ABCG1: variants seen among roughly 807,000 people sequenced by gnomAD.
ABCG1 encodes ATP-binding cassette sub-family G member 1.
Under a neutral mutation model 69.2 loss-of-function variants are expected in ABCG1, and 29 were observed. The observed-to-expected ratio is 0.42, with a 90% CI of 0.31 to 0.57. ABCG1 has a LOEUF of 0.57. Ranked by LOEUF, ABCG1 falls within the 20% of genes least tolerant of loss-of-function variation. ABCG1 has a pLI of 0.15. For synonymous variants in ABCG1, 370 were observed against 374.8 expected (o/e 0.99, Z 0.15); for missense variants, 718 against 898.1 (o/e 0.80, Z 2.56).
intron 1 of ABCG1, chr21:42,201,432 C>T: frequency 2.0e-6 from 1 of 499,396 alleles, no homozygotes; most frequent in Non-Finnish European, 3.6e-6. Flanking sequence ...TGCCGCTCAC[C>T]TCCTGCTGTG....
intron 2 of ABCG1, among the ~76,000 whole-genome samples, chr21:42,262,476 G>A (rs1246829873): frequency 6.6e-6 from 1 of 152,208 alleles, no homozygotes; most frequent in Non-Finnish European, 1.5e-5. Flanking sequence ...TTAGCCTTAG[G>A]TGACCCACGG....
At chr21:42,249,339 A>G (rs79353269) in intron 2 of ABCG1, among the ~76,000 whole-genome samples, 3,532 of 152,244 alleles carry the variant, frequency 0.023, 128 homozygotes, top group African/African-American at 0.079. Flanking sequence ...CAAGCAAGTG[A>G]TCTGCACAGA....
rs146016388 is a variant in ABCG1, at chr21:42,226,696, T to C, written c.286+782T>C. ...CTTCATCTCCTTATGCTCCAAGCAC[T>C]CATTGTCTGCTCCTAAGTGGATCAG... On this transcript the variant is annotated intron_variant, in intron 2 of 14. Coordinates refer to ENST00000398449, the MANE Select transcript of ABCG1 (RefSeq NM_016818.3). 3.1e-3 allele frequency among the ~76,000 whole-genome samples: 469 copies of C among 152,296 alleles called. 2 individuals carry two copies. The highest frequency in any genetic ancestry group is 0.011 in the African/African-American group (438 of 41,558).
Position 42,291,299 on chromosome 21 carries a change from C to CT in ABCG1, c.1494+109dup, listed in dbSNP as rs1419435093. On this transcript the variant is annotated intron_variant, in intron 12 of 14. Coordinates refer to ENST00000398449, the MANE Select transcript of ABCG1 (RefSeq NM_016818.3). This position sits in a 1 kb window ranked among gnomAD's most constrained non-coding sequence, Gnocchi z 6.4. Reference sequence around the variant, plus strand: ...AGGGATGCAGGGTGACATGGCCCGACTTCGGGAGCTCTGGTGGGAGCTGCG... The same window carrying CT: ...AGGGATGCAGGGTGACATGGCCCGACTTTCGGGAGCTCTGGTGGGAGCTGCG... The CT allele has an allele frequency of 2.7e-5, 32 of 1,173,054 alleles. No individual in the cohort carries two copies. The highest frequency in any genetic ancestry group is 3.8e-5 in the Non-Finnish European group (31 of 812,582). The allele number at this position is 1,173,054 out of a possible 1,614,324, so 72.7% of individuals were successfully genotyped here.
Position 42,273,970 on chromosome 21 carries a change from T to A in ABCG1, c.537+535T>A, listed in dbSNP as rs1015976593. Among the ~76,000 whole-genome samples, 3 of 152,110 alleles carry A rather than the reference T, an allele frequency of 2.0e-5. No individual in the cohort carries two copies. In the South Asian group the frequency reaches 6.2e-4, roughly 32 times the overall value. On this transcript the variant is annotated intron_variant, in intron 4 of 14. Transcript: ENST00000398449. This position sits in a 1 kb window ranked among gnomAD's most constrained non-coding sequence, Gnocchi z 5.3. Reference sequence around the variant, plus strand: ...CACATAGCTCTACACACACCAGATATGTCATCCCAAAAAAGTGGGTGGGAA... The same window carrying A: ...CACATAGCTCTACACACACCAGATAAGTCATCCCAAAAAAGTGGGTGGGAA...
Position 42,206,383 on chromosome 21 carries a change from T to A in ABCG1, c.48+4660T>A, listed in dbSNP as rs7281377. ...ATAAATAAATAAATAAATAAATAAA[T>A]AAACAAACAAACAAACAAACACAAT... On this transcript the variant is annotated intron_variant, in intron 2 of 15. Transcript: ENST00000398457. Among the ~76,000 whole-genome samples the A allele has an allele frequency of 6.1e-4, 88 of 144,436 alleles. 1 individual carries two copies. Among genetic ancestry groups the A allele is most frequent in the Admixed American group, 5.5e-4 (8 of 14,638 alleles). The allele number at this position is 144,436 out of a possible 152,430, so 94.8% of individuals were successfully genotyped here.
At position 42,287,432 on chromosome 21, in the gene ABCG1, G is replaced by A. The variant is rs1424191027; in HGVS notation, c.974-457G>A. On this transcript the variant is annotated intron_variant, in intron 8 of 14. Coordinates refer to ENST00000398449, the MANE Select transcript of ABCG1 (RefSeq NM_016818.3). This position sits in a 1 kb window ranked among gnomAD's most constrained non-coding sequence, Gnocchi z 6.2. ...CCCCAGGGTGCCAGCCACTCATGTG[G>A]CGATGGGCACGTCCTTCTCTGCCAT... Among the ~76,000 whole-genome samples the A allele has an allele frequency of 1.3e-5, 2 of 152,172 alleles. No homozygotes were observed. Among genetic ancestry groups the A allele is most frequent in the African/African-American group, 4.8e-5 (2 of 41,442 alleles).
intron 2 of ABCG1, among the ~76,000 whole-genome samples, chr21:42,270,259 CAAAAAA>C (rs4006345): frequency 1.5e-3 from 131 of 87,176 alleles, no homozygotes; most frequent in Admixed American, 3.0e-3. Context: ...GACTCAGTCT[CAAAAAA>C]AAAAAAAAAA....
intron 2 of ABCG1, among the ~76,000 whole-genome samples, chr21:42,229,625 C>G (rs911504103): frequency 3.3e-5 from 5 of 152,062 alleles, no homozygotes; most frequent in African/African-American, 1.2e-4. Context: ...GAGGCTGAAG[C>G]AGGAGAATTG....
At chr21:42,274,054 C>A (rs758922905) in intron 4 of ABCG1, among the ~76,000 whole-genome samples, 5 of 152,258 alleles carry the variant, frequency 3.3e-5, no homozygotes, top group Middle Eastern at 3.2e-3. Flanking sequence ...GATGGCCACA[C>A]GTGGCCAGGG....
rs1476959248 is a variant in ABCG1 at position 42,287,608 on chromosome 21, A to G, written c.974-281A>G. On this transcript the variant is annotated intron_variant, in intron 8 of 14. Transcript: ENST00000398449. This position sits in a 1 kb window ranked among gnomAD's most constrained non-coding sequence, Gnocchi z 6.2. ...CAGGCATTCAGTAAGTACCGGCTGG[A>G]TGAGCAGTCGGTAGATGCAGGAGCT... Among the ~76,000 whole-genome samples the G allele has an allele frequency of 6.6e-6, 1 of 152,166 alleles. No homozygotes were observed. The highest frequency in any genetic ancestry group is 2.4e-5 in the African/African-American group (1 of 41,420).
intron 5 of ABCG1, among the ~76,000 whole-genome samples, chr21:42,281,069 T>A (rs1328898399): frequency 2.6e-5 from 4 of 152,264 alleles, no homozygotes; most frequent in Non-Finnish European, 5.9e-5. Flanking sequence ...CCACCTGCCC[T>A]GGCCTGTCCA....
intron 2 of ABCG1, among the ~76,000 whole-genome samples, chr21:42,262,631 A>G (rs2068432580): frequency 6.6e-6 from 1 of 152,056 alleles, no homozygotes; most frequent in African/African-American, 2.4e-5. Context: ...AGGAGGAGGG[A>G]GGGAGGAGGG....
chr21:42,213,971 G>A (rs9981390), upstream of ABCG1, among the ~76,000 whole-genome samples: 20,969 of 152,128 alleles, frequency 0.14, 1,712 homozygotes, highest in East Asian at 0.24. Context: ...GGGACTCTGG[G>A]CTTTAGACTT....
intron 2 of ABCG1, among the ~76,000 whole-genome samples, chr21:42,246,921 GA>G (rs775324955): frequency 3.3e-5 from 5 of 150,792 alleles, no homozygotes; most frequent in African/African-American, 4.9e-5. Flanking sequence ...GTTTTTAAAA[GA>G]AAAAAAAATC....
intron 10 of ABCG1, among the ~76,000 whole-genome samples, chr21:42,289,661 C>T (rs1038032707): frequency 1.3e-5 from 2 of 152,198 alleles, no homozygotes; most frequent in African/African-American, 4.8e-5. Flanking sequence ...CACCGCCGTC[C>T]ACAGCAGAGT....
intron 2 of ABCG1, among the ~76,000 whole-genome samples, chr21:42,203,896 T>C (rs1051379013): frequency 6.6e-6 from 1 of 152,248 alleles, no homozygotes; most frequent in African/African-American, 2.4e-5. Flanking sequence ...TCTCTCCTTT[T>C]TTCTTTAGTT....
chr21:42,274,437 C>T (rs895915293), intron 4 of ABCG1, among the ~76,000 whole-genome samples: 2 of 150,850 alleles, frequency 1.3e-5, no homozygotes, highest in Non-Finnish European at 2.9e-5. Flanking sequence ...GGACAGACCG[C>T]GACCCAGCCA....
rs55913235 is a variant in ABCG1 at position 42,296,624 on chromosome 21, G to GTT, written c.*244_*245dup. The GTT allele has an allele frequency of 0.21, 91,352 of 429,732 alleles. 4,332 individuals are homozygous for GTT. The highest frequency in any genetic ancestry group is 0.23 in the Admixed American group (6,309 of 28,008). The allele number at this position is 429,732 out of a possible 1,614,324, so 26.6% of individuals were successfully genotyped here. On this transcript the variant is annotated 3_prime_UTR_variant, in exon 15 of 15. Coordinates refer to ENST00000398449, the MANE Select transcript of ABCG1 (RefSeq NM_016818.3). This position sits in a 1 kb window ranked among gnomAD's most constrained non-coding sequence, Gnocchi z 5.4. ...CTAGGAAGATGTAGGCAGATTGGTG[G>GTT]TTTTTTTTTTTTTAACATACAGAAT...
Sources: allele counts gnomAD v4.1 joint callset (sites outside exome capture counted in the v4.1 genomes callset), GRCh38; gene constraint gnomAD v4.1.1; non-coding constraint Gnocchi (gnomAD v3.1); transcripts MANE v1.5; gene names NCBI Gene and HGNC (gene_info 2026-07-23, HGNC 2026-07-21).